TMEFF1: variants seen among roughly 807,000 people sequenced by gnomAD.
TMEFF1 encodes transmembrane protein with EGF like and two follistatin like domains 1.
Under a neutral mutation model 47.5 loss-of-function variants are expected in TMEFF1, and 20 were observed. The observed-to-expected ratio is 0.42, with a 90% confidence interval of 0.30 to 0.61. TMEFF1 has a LOEUF of 0.61. TMEFF1 is among the 20% of genes least tolerant of loss of function. TMEFF1 has a pLI of 0.19. For synonymous variants in TMEFF1, 162 were observed against 166.3 expected (o/e 0.97, Z 0.20); for missense variants, 411 against 471.1 (o/e 0.87, Z 1.18).
At chr9:100,479,689 G>A (rs1182561061) in intron 1 of TMEFF1, among the ~76,000 whole-genome samples, 1 of 152,198 alleles carries the variant, frequency 6.6e-6, no homozygotes, top group Non-Finnish European at 1.5e-5. Context: ...GTTGTAGTGT[G>A]TATCAGAACT....
At chr9:100,533,575 C>G (rs933299203) in intron 5 of TMEFF1, among the ~76,000 whole-genome samples, 6 of 152,068 alleles carry the variant, frequency 3.9e-5, no homozygotes, top group Non-Finnish European at 7.4e-5. Context: ...AAAGAACCAA[C>G]TTTTGGTTTT....
chr9:100,573,029 C>A (rs146811311), intron 9 of TMEFF1, among the ~76,000 whole-genome samples: 15 of 150,168 alleles, frequency 1.0e-4, no homozygotes, highest in African/African-American at 2.9e-4. Flanking sequence ...GTTGCCCAGG[C>A]TGGAGTGCAG....
At chr9:100,538,060 G>T (rs145061896) in intron 5 of TMEFF1, among the ~76,000 whole-genome samples, 2 of 152,046 alleles carry the variant, frequency 1.3e-5, no homozygotes, top group East Asian at 1.9e-4. Context: ...GCAAGAAACA[G>T]AATTTTTTTT....
At chr9:100,488,803 C>G (rs986621755) in intron 1 of TMEFF1, among the ~76,000 whole-genome samples, 3 of 151,888 alleles carry the variant, frequency 2.0e-5, no homozygotes, top group African/African-American at 7.3e-5. Context: ...CCAGGGTGTC[C>G]CTCTTAAAAA....
intron 1 of TMEFF1, among the ~76,000 whole-genome samples, chr9:100,485,314 A>G (rs947010725): frequency 6.6e-6 from 1 of 152,190 alleles, no homozygotes; most frequent in African/African-American, 2.4e-5. Context: ...TCTTGGGTGT[A>G]TGTATTCCAC....
Position 100,572,661 on chromosome 9 carries a change from T to C in TMEFF1, c.1043T>C (p.Val348Ala), listed in dbSNP as rs757840801. ...AVQIAIIVAI[V>A]MCITRKCPKN... ...CAGATTGCCATCATAGTAGCAATTG[T>C]AATGTGCATAACAAGGTAGGTAATG... Residue 348 changes from valine to alanine, a missense_variant, in exon 9 of 10, where the codon GTA becomes GCA. Transcript: ENST00000374879. 2 of 1,609,930 alleles carry C rather than the reference T, an allele frequency of 1.2e-6. No individual in the cohort carries two copies. The highest frequency in any genetic ancestry group is 2.7e-5 in the African/African-American group (2 of 74,754).
chr9:100,526,169 C>T (rs927147625), intron 5 of TMEFF1, among the ~76,000 whole-genome samples: 3 of 152,184 alleles, frequency 2.0e-5, no homozygotes, highest in African/African-American at 7.2e-5. Context: ...TGTCTTCTAG[C>T]TTCCAGTGTT....
intron 1 of TMEFF1, among the ~76,000 whole-genome samples, chr9:100,490,299 C>T (rs1207324485): frequency 2.6e-5 from 4 of 152,066 alleles, no homozygotes; most frequent in Non-Finnish European, 5.9e-5. Context: ...TATCTTTATA[C>T]TAGAAGATAA....
At chr9:100,567,490 T>G (rs112918560) in intron 8 of TMEFF1, among the ~76,000 whole-genome samples, 50 of 152,324 alleles carry the variant, frequency 3.3e-4, no homozygotes, top group Non-Finnish European at 5.9e-4. Context: ...CTTTGTTTAT[T>G]GACACTCTTC....
At chr9:100,566,557 C>T (rs147638071) in intron 8 of TMEFF1, among the ~76,000 whole-genome samples, 333 of 152,292 alleles carry the variant, frequency 2.2e-3, no homozygotes, top group African/African-American at 7.6e-3. Context: ...CAGAATATCT[C>T]CAGAATTTGG....
chr9:100,477,245 C>G (rs1587809284), intron 1 of TMEFF1, among the ~76,000 whole-genome samples: 1 of 152,170 alleles, frequency 6.6e-6, no homozygotes, highest in Non-Finnish European at 1.5e-5. Context: ...AGACTTTCTA[C>G]CAACTTGGTT....
chr9:100,555,568 T>A (rs1025062943), intron 7 of TMEFF1, among the ~76,000 whole-genome samples: 2 of 152,170 alleles, frequency 1.3e-5, no homozygotes, highest in Non-Finnish European at 2.9e-5. Flanking sequence ...TCTGTGAGCC[T>A]CACTGATCAC....
chr9:100,490,887 G>A (rs1461853293), intron 1 of TMEFF1, among the ~76,000 whole-genome samples: 3 of 151,676 alleles, frequency 2.0e-5, no homozygotes, highest in Non-Finnish European at 4.4e-5. Context: ...GTGTATGTGT[G>A]TATGTGTGTG....
Position 100,572,643 on chromosome 9 carries a change from C to T in TMEFF1, c.1025C>T (p.Ala342Val). 1 of 1,611,750 alleles carries T rather than the reference C, an allele frequency of 6.2e-7. No individual in the cohort carries two copies. Among genetic ancestry groups the T allele is most frequent in the Non-Finnish European group, 8.5e-7 (1 of 1,179,142 alleles). Residue 342 changes from alanine (A) to valine (V), a missense_variant, in exon 9 of 10, where the codon GCC (alanine) becomes GTC (valine). Ala to Val is a moderately conservative substitution (Grantham distance 64, BLOSUM62 0). Transcript: ENST00000374879. ...IAAIIGAVQI[A>V]IIVAIVMCIT... Reference sequence around the variant, plus strand: ...GCAATTATTGGAGCTGTACAGATTGCCATCATAGTAGCAATTGTAATGTGC... The same window carrying T: ...GCAATTATTGGAGCTGTACAGATTGTCATCATAGTAGCAATTGTAATGTGC...
intron 5 of TMEFF1, among the ~76,000 whole-genome samples, chr9:100,540,665 C>A (rs1173054343): frequency 2.0e-5 from 3 of 152,248 alleles, no homozygotes; most frequent in Non-Finnish European, 4.4e-5. Context: ...GGGCTGCTAG[C>A]ACGTTGTCAC....
chr9:100,543,995 GT>G (rs1487184011), intron 5 of TMEFF1, among the ~76,000 whole-genome samples: 4 of 151,736 alleles, frequency 2.6e-5, no homozygotes, highest in Non-Finnish European at 5.9e-5. Flanking sequence ...TTTTCTTTTT[GT>G]TTTTCAAAGT....
At chr9:100,536,205 A>G (rs1457495107) in intron 5 of TMEFF1, among the ~76,000 whole-genome samples, 2 of 152,216 alleles carry the variant, frequency 1.3e-5, no homozygotes, top group African/African-American at 4.8e-5. Flanking sequence ...TCAAGACCCT[A>G]TTGAGAGAAT....
intron 9 of TMEFF1, among the ~76,000 whole-genome samples, chr9:100,574,132 C>A (rs1587862856): frequency 1.3e-5 from 2 of 152,180 alleles, no homozygotes; most frequent in African/African-American, 2.4e-5. Flanking sequence ...CCCAGTATGA[C>A]CATTGCATGG....
At chr9:100,534,949 T>C (rs1219278261) in intron 5 of TMEFF1, among the ~76,000 whole-genome samples, 1 of 152,184 alleles carries the variant, frequency 6.6e-6, no homozygotes, top group East Asian at 1.9e-4. Context: ...CAAAATTTTT[T>C]TGTAAAGGGC....
Sources: allele counts gnomAD v4.1 joint callset (sites outside exome capture counted in the v4.1 genomes callset), GRCh38; gene constraint gnomAD v4.1.1; transcripts MANE v1.5; gene names NCBI Gene and HGNC (gene_info 2026-07-23, HGNC 2026-07-21).